The following NPL variants were observed in gnomAD, a reference collection of about 807,000 sequenced individuals.
The protein encoded by NPL is N-acetylneuraminate pyruvate lyase.
In NPL, 32 loss-of-function variants were observed where a neutral mutation model predicts 41.1. The ratio of observed to expected loss-of-function variants is 0.78; its 90% confidence interval spans 0.59 to 1.05. NPL has a LOEUF of 1.05. NPL is among the 50% of genes least tolerant of loss of function. The probability of loss-of-function intolerance (pLI) is 0.00; values close to 1 mark genes in which losing one functional copy is unlikely to be tolerated. For synonymous variants in NPL, 128 were observed against 134.9 expected (o/e 0.95, Z 0.35); for missense variants, 321 against 378.4 (o/e 0.85, Z 1.26).
At chr1:182,822,246 C>T (rs1178545752) in intron 11 of NPL, 47 bp downstream of exon 11, 1 of 1,281,032 alleles carries the variant, frequency 7.8e-7, no homozygotes, top group Non-Finnish European at 1.1e-6. Flanking sequence ...TTTTTCTTCC[C>T]CACTTGAGGA....
At chr1:182,802,474 T>G (rs1666877420) in intron 3 of NPL, among the ~76,000 whole-genome samples, 1 of 152,220 alleles carries the variant, frequency 6.6e-6, no homozygotes, top group Non-Finnish European at 1.5e-5. Flanking sequence ...AGATTTTTTT[T>G]TTTGTTTTTG....
chr1:182,828,762 G>A lies in NPL; in HGVS notation c.817G>A (p.Val273Ile), dbSNP rs905417483. 2 of 1,614,142 alleles carry A rather than the reference G, an allele frequency of 1.2e-6. No homozygotes were observed. Among genetic ancestry groups the A allele is most frequent in the Non-Finnish European group, 1.7e-6 (2 of 1,180,026 alleles). ...VSQTKAIMTLVSGIPMGPPRL... is the reference protein window; with the variant it reads ...VSQTKAIMTLISGIPMGPPRL... ...ACAGACCAAAGCCATCATGACTCTGGTCTCTGGGATTCCAATGGGCCCACC... is the reference window on the plus strand; with the variant it reads ...ACAGACCAAAGCCATCATGACTCTGATCTCTGGGATTCCAATGGGCCCACC... The change falls in exon 13 of 13, where the codon GTC (valine) becomes ATC (isoleucine). Residue 273 changes from valine to isoleucine, a missense_variant. Val to Ile is a conservative substitution (Grantham distance 29). Transcript: ENST00000367553. The surrounding 1 kb of genome is among the most constrained non-coding windows in gnomAD (Gnocchi z 4.0).
At chr1:182,801,601 A>G (rs1410148978) in intron 3 of NPL, among the ~76,000 whole-genome samples, 1 of 152,182 alleles carries the variant, frequency 6.6e-6, no homozygotes, top group Admixed American at 6.5e-5. Context: ...TGTAATCGCA[A>G]CACTTTGGGA....
rs1667413958 is a variant in NPL at position 182,818,969 on chromosome 1, T to C, written c.653+110T>C. ...TATCCTTTCTAATAGAAGTTTCCTT[T>C]CTTTTCCACATTCTTCCAGTGAAAG... On this transcript the variant is annotated intron_variant, in intron 10 of 12. Transcript: ENST00000367553. 3.2e-6 allele frequency: 3 copies of C among 949,222 alleles called. No individual in the cohort carries two copies. In the South Asian group the frequency reaches 3.9e-5, roughly 12 times the overall value. The allele number at this position is 949,222 out of a possible 1,614,324, so 58.8% of individuals were successfully genotyped here. A position where few individuals can be genotyped will look rare whatever the true frequency, so the allele number is the denominator to read the frequency against.
At chr1:182,806,075 A>G (rs1432042202) in intron 4 of NPL, 70 bp from the exon 5 acceptor site, 3 of 1,588,974 alleles carry the variant, frequency 1.9e-6, no homozygotes, top group South Asian at 2.2e-5. Context: ...CTGACCCTGC[A>G]CTTTCAGACT....
chr1:182,816,499 G>T (rs892913189), intron 7 of NPL, among the ~76,000 whole-genome samples: 1 of 152,090 alleles, frequency 6.6e-6, no homozygotes, highest in Non-Finnish European at 1.5e-5. Context: ...GAGAATAATC[G>T]TCTTACTTTG....
chr1:182,829,617 A>C lies in NPL; in HGVS notation c.*709A>C. The C allele has an allele frequency of 1.3e-6, 2 of 1,550,486 alleles. No homozygotes were observed. Among genetic ancestry groups the C allele is most frequent in the Non-Finnish European group, 1.7e-6 (2 of 1,146,624 alleles). On this transcript the variant is annotated 3_prime_UTR_variant, in exon 13 of 13. Transcript: ENST00000367553. ...TTTCTATACAGAAAACTCAAAACTC[A>C]AAGTTTCAAAGAACCAAAGGACTCT...
chr1:182,797,956 G>T (rs1242700229), intron 3 of NPL, among the ~76,000 whole-genome samples: 2 of 152,178 alleles, frequency 1.3e-5, no homozygotes, highest in Non-Finnish European at 2.9e-5. Flanking sequence ...ATATACTGCA[G>T]GAATTACTAG....
chr1:182,792,712 T>C (rs1465678073), intron 2 of NPL, among the ~76,000 whole-genome samples: 1 of 152,254 alleles, frequency 6.6e-6, no homozygotes, highest in Admixed American at 6.5e-5. Context: ...ATGCAGGACT[T>C]GGTCTTGATT....
At chr1:182,804,121 T>A (rs1666935075) in intron 4 of NPL, among the ~76,000 whole-genome samples, 1 of 152,060 alleles carries the variant, frequency 6.6e-6, no homozygotes, top group African/African-American at 2.4e-5. Flanking sequence ...TAAACACTCT[T>A]CTCTCTTTTG....
chr1:182,795,815 C>T (rs1327623599), intron 3 of NPL: 8 of 152,166 alleles, frequency 5.3e-5, no homozygotes, highest in South Asian at 2.1e-4. Flanking sequence ...TTGCATGAAT[C>T]GGCAGGATTT....
chr1:182,816,126 G>A (rs568496323), intron 7 of NPL, among the ~76,000 whole-genome samples: 7 of 152,264 alleles, frequency 4.6e-5, no homozygotes, highest in African/African-American at 9.6e-5. Context: ...TGTTGCAGGC[G>A]AAGCTCACAT....
At chr1:182,790,046 A>G (rs1429696977) in intron 1 of NPL, among the ~76,000 whole-genome samples, 2 of 152,256 alleles carry the variant, frequency 1.3e-5, no homozygotes, top group Non-Finnish European at 2.9e-5. Flanking sequence ...TGCAGACAGC[A>G]TATCTGCCGG....
chr1:182,793,146 T>A (rs1416513718), intron 2 of NPL, among the ~76,000 whole-genome samples: 2 of 152,232 alleles, frequency 1.3e-5, no homozygotes, highest in Non-Finnish European at 2.9e-5. Context: ...TGTTAGACAT[T>A]AAATTTGTGG....
rs1056502570 is a variant in NPL, at chr1:182,790,966, TCC to T, written c.-72+1162_-72+1163del. The stretch of plus-strand genomic sequence containing the variant: ...CCAAAGTCGTTTTTATCCCATTTCT[TCC>T]TGTAGGCGTTTCAAAGTTTGCAAAG... On this transcript the variant is annotated intron_variant, in intron 1 of 12. Coordinates refer to ENST00000367553, the MANE Select transcript of NPL (RefSeq NM_030769.3). Among the ~76,000 whole-genome samples, 31 of 152,260 alleles carry T rather than the reference TCC, an allele frequency of 2.0e-4. 1 individual carries two copies. The highest frequency in any genetic ancestry group is 2.0e-3 in the Admixed American group (31 of 15,296).
intron 10 of NPL, 96 bp downstream of exon 10, chr1:182,818,955 A>T: frequency 9.5e-7 from 1 of 1,050,776 alleles, no homozygotes. Context: ...ATCCTTTCTA[A>T]TAGAAGTTTC....
chr1:182,819,158 A>G (rs1667419823), intron 10 of NPL, among the ~76,000 whole-genome samples: 1 of 152,016 alleles, frequency 6.6e-6, no homozygotes, highest in Non-Finnish European at 1.5e-5. Flanking sequence ...CATCTCTACT[A>G]AAAATGTAAA....
Position 182,829,985 on chromosome 1 carries a change from C to A in NPL, c.*1077C>A. 1 of 205,820 alleles carries A rather than the reference C, an allele frequency of 4.9e-6. No homozygotes were observed. 12.7% of individuals were successfully genotyped at this position (205,820 alleles called of 1,614,324 possible). On this transcript the variant is annotated 3_prime_UTR_variant, in exon 13 of 13. Transcript: ENST00000367553. Reference sequence around the variant, plus strand: ...CCTTACTGATTTTAAACTTGACTATCCAGTCTGTTAATTACCTAAGATTTT... The same window carrying A: ...CCTTACTGATTTTAAACTTGACTATACAGTCTGTTAATTACCTAAGATTTT...
chr1:182,829,023 C>A lies in NPL; in HGVS notation c.*115C>A, dbSNP rs1322443689. ...AATAAACTCTCCTAGCAAATGAAAT[C>A]TCACAATAAGCATTGAGGTACCTTT... On this transcript the variant is annotated 3_prime_UTR_variant, in exon 13 of 13. Coordinates refer to ENST00000367553, the MANE Select transcript of NPL (RefSeq NM_030769.3). 1.3e-6 allele frequency: 2 copies of A among 1,571,694 alleles called. No homozygotes were observed. The highest frequency in any genetic ancestry group is 2.3e-5 in the East Asian group (1 of 43,988).
Sources: gnomAD v4.1 joint callset for allele counts (sites outside exome capture counted in the v4.1 genomes callset) on GRCh38, gnomAD v4.1.1 for gene constraint, Gnocchi (gnomAD v3.1) non-coding constraint, MANE v1.5 for transcripts, NCBI Gene and HGNC (gene_info 2026-07-23, HGNC 2026-07-21) for gene names.